The following POSTN variants were observed in gnomAD, a reference collection of about 807,000 sequenced individuals.
The protein encoded by POSTN is osteoblast specific factor 2 (fasciclin I-like).
Under a neutral mutation model 104.5 loss-of-function variants are expected in POSTN, and 71 were observed. That is an observed-to-expected ratio of 0.68 (90% confidence interval 0.56 to 0.83). The LOEUF (loss-of-function observed/expected upper bound fraction) is 0.83. Among genes scored for constraint, POSTN ranks in the 40% least tolerant of loss-of-function variants. The probability of loss-of-function intolerance (pLI) is 0.00; values close to 1 mark genes in which losing one functional copy is unlikely to be tolerated. For synonymous variants in POSTN, 355 were observed against 340.7 expected (o/e 1.04, Z -0.46); for missense variants, 949 against 1,006.8 (o/e 0.94, Z 0.78).
intron 5 of POSTN, 93 bp from the exon 6 acceptor site, chr13:37,587,021 A>C (rs895413365): frequency 1.6e-5 from 17 of 1,077,930 alleles, no homozygotes; most frequent in Non-Finnish European, 2.3e-5. Flanking sequence ...CATTTATACT[A>C]GTAAATGTAA....
At chr13:37,584,621 A>C in intron 8 of POSTN, 95 bp downstream of exon 8, 1 of 1,002,666 alleles carries the variant, frequency 1.0e-6, no homozygotes, top group South Asian at 1.6e-5. Context: ...TTTATACTGC[A>C]CATTCATTTT....
intron 2 of POSTN, among the ~76,000 whole-genome samples, chr13:37,595,047 ATT>A (rs34055085): frequency 6.9e-6 from 1 of 144,398 alleles, no homozygotes; most frequent in Non-Finnish European, 1.5e-5. Flanking sequence ...CAAAGTAGTG[ATT>A]TTTTTTTTTT....
chr13:37,569,443 C>T, intron 20 of POSTN, 60 bp from the exon 21 acceptor site: 2 of 1,293,150 alleles, frequency 1.5e-6, no homozygotes, highest in Non-Finnish European at 2.2e-6. Flanking sequence ...AGACAGCAGA[C>T]TTTATGTCAT....
At chr13:37,565,667 T>C (rs1046438630) in intron 21 of POSTN, among the ~76,000 whole-genome samples, 2 of 152,100 alleles carry the variant, frequency 1.3e-5, no homozygotes, top group Non-Finnish European at 2.9e-5. Context: ...ATAAGGCATA[T>C]AATCATTTAT....
intron 17 of POSTN, among the ~76,000 whole-genome samples, chr13:37,574,279 A>C (rs1359346973): frequency 6.6e-6 from 1 of 151,652 alleles, no homozygotes; most frequent in Non-Finnish European, 1.5e-5. Flanking sequence ...AGTAAAAAAA[A>C]CTCATGTCTT....
chr13:37,596,174 G>C (rs1341909439), intron 2 of POSTN, among the ~76,000 whole-genome samples: 1 of 152,090 alleles, frequency 6.6e-6, no homozygotes, highest in Non-Finnish European at 1.5e-5. Context: ...CCCGAACTTA[G>C]GGTAACTGAA....
intron 13 of POSTN, 26 bp from the exon 14 acceptor site, chr13:37,579,147 T>C: frequency 1.2e-6 from 2 of 1,605,568 alleles, no homozygotes; most frequent in Non-Finnish European, 1.7e-6. Context: ...GCAATTTCAA[T>C]GAGGAAATTT....
Position 37,574,699 on chromosome 13 carries a change from T to G in POSTN, c.2009-47A>C, listed in dbSNP as rs752326329. 4.6e-6 allele frequency: 7 copies of G among 1,523,632 alleles called. No homozygotes were observed. The South Asian group carries it at 8.9e-5, about 19-fold the overall frequency. 94.4% of individuals were successfully genotyped at this position (1,523,632 alleles called of 1,614,324 possible). On this transcript the variant is annotated intron_variant, in intron 16 of 22. Transcript: ENST00000379747. ...CATGAAAAATATTTACATAAAAACC[T>G]GAACAAAGGTTTTTTTTTTTTTTCC...
intron 9 of POSTN, among the ~76,000 whole-genome samples, chr13:37,583,141 C>A (rs539853392): frequency 6.6e-6 from 1 of 151,964 alleles, no homozygotes; most frequent in Admixed American, 6.6e-5. Flanking sequence ...TGAGAAAGGT[C>A]GAAGGTTGCA....
At chr13:37,588,587 T>C (rs1272270281) in intron 4 of POSTN, among the ~76,000 whole-genome samples, 1 of 152,100 alleles carries the variant, frequency 6.6e-6, no homozygotes, top group East Asian at 1.9e-4. Context: ...CTTTCAGGGC[T>C]CCAATAAGAA....
At chr13:37,575,239 G>T (rs1174224201) in intron 16 of POSTN, among the ~76,000 whole-genome samples, 1 of 151,292 alleles carries the variant, frequency 6.6e-6, no homozygotes, top group Admixed American at 6.6e-5. Context: ...TAAGTTATAG[G>T]CTAAAATGTC....
rs983601937 is a variant in POSTN, at chr13:37,563,081, T to A, written c.*252A>T. ...GGATTCCAAAGTTAGCCAGAACTTT[T>A]AATGTCAAGATGAAAAAGGGTGTAA... On this transcript the variant is annotated 3_prime_UTR_variant, in exon 23 of 23. Coordinates refer to ENST00000379747, the MANE Select transcript of POSTN (RefSeq NM_006475.3). 1 of 289,464 alleles carries A rather than the reference T, an allele frequency of 3.5e-6. No individual in the cohort carries two copies. Among genetic ancestry groups the A allele is most frequent in the African/African-American group, 2.2e-5 (1 of 46,366 alleles). 17.9% of individuals were successfully genotyped at this position (289,464 alleles called of 1,614,324 possible).
intron 12 of POSTN, among the ~76,000 whole-genome samples, chr13:37,579,597 T>A (rs1318519740): frequency 6.6e-6 from 1 of 152,206 alleles, no homozygotes; most frequent in Non-Finnish European, 1.5e-5. Flanking sequence ...TATAACTGTT[T>A]TCTTCTTTGT....
At chr13:37,586,357 T>C (rs566809311) in intron 6 of POSTN, 77 bp from the exon 7 acceptor site, 2 of 1,455,948 alleles carry the variant, frequency 1.4e-6, no homozygotes, top group Admixed American at 4.2e-5. Context: ...TAGCCTAGGC[T>C]GACATGAAGG....
At chr13:37,587,106 T>C (rs997349968) in intron 5 of POSTN, among the ~76,000 whole-genome samples, 178 bp from the exon 6 acceptor site, 1 of 152,112 alleles carries the variant, frequency 6.6e-6, no homozygotes, top group Non-Finnish European at 1.5e-5. Flanking sequence ...AAAAAGAAAC[T>C]GTAAGAGAAA....
rs1950953084 is a variant in POSTN, at chr13:37,592,132, A to G, written c.251T>C (p.Met84Thr). 1 of 1,607,652 alleles carries G rather than the reference A, an allele frequency of 6.2e-7. No individual in the cohort carries two copies. Among genetic ancestry groups the G allele is most frequent in the Non-Finnish European group, 8.5e-7 (1 of 1,174,286 alleles). Residue 84 changes from methionine to threonine, a missense_variant, in exon 3 of 23, where the codon ATG becomes ACG. Physicochemically the swap from Met to Thr is moderately conservative, Grantham distance 81. Coordinates refer to ENST00000379747, the MANE Select transcript of POSTN (RefSeq NM_006475.3). Reference sequence around the variant, plus strand: ...GCAGCCTTTCATTCCTTCCATTCTCATATAACCAGGGCAACATTCATATAA... The same window carrying G: ...GCAGCCTTTCATTCCTTCCATTCTCGTATAACCAGGGCAACATTCATATAA... ...TVLYECCPGY[M>T]RMEGMKGCPA...
At chr13:37,582,316 T>A (rs552299297) in intron 10 of POSTN, 50 bp downstream of exon 10, 1 of 1,543,652 alleles carries the variant, frequency 6.5e-7, no homozygotes, top group South Asian at 1.2e-5. Flanking sequence ...GAAACAGCAT[T>A]ATTTGACATG....
At position 37,567,235 on chromosome 13, in the gene POSTN, C is replaced by CAAAAA. The variant is rs71093694; in HGVS notation, c.2431+2060_2431+2064dup. ...TGGGCGACAGAGCGAGACTCCGTCT[C>CAAAAA]AAAAAAAAAAAAAAAAAATGTACTA... On this transcript the variant is annotated intron_variant, in intron 21 of 22. Transcript: ENST00000379747. 1.1e-4 allele frequency among the ~76,000 whole-genome samples: 4 copies of CAAAAA among 36,926 alleles called. No homozygotes were observed. In the East Asian group the frequency reaches 3.6e-3, roughly 33 times the overall value. The allele number at this position is 36,926 out of a possible 152,430, so 24.2% of individuals were successfully genotyped here. A position where few individuals can be genotyped will look rare whatever the true frequency, so the allele number is the denominator to read the frequency against.
chr13:37,564,410 A>T (rs1950029380), intron 22 of POSTN, 109 bp downstream of exon 22: 1 of 658,728 alleles, frequency 1.5e-6, no homozygotes, highest in Admixed American at 2.7e-5. Context: ...TTTCTCTCTG[A>T]TCGATAACAA....
Sources: allele counts gnomAD v4.1 joint callset (sites outside exome capture counted in the v4.1 genomes callset), GRCh38; gene constraint gnomAD v4.1.1; transcripts MANE v1.5; gene names NCBI Gene and HGNC (gene_info 2026-07-23, HGNC 2026-07-21).